PCDH7: variants seen among roughly 807,000 people sequenced by gnomAD.
PCDH7 encodes protocadherin 7.
Under a neutral mutation model 58.9 loss-of-function variants are expected in PCDH7, and 17 were observed. The observed-to-expected ratio is 0.29, with a 90% confidence interval of 0.20 to 0.43. PCDH7 has a LOEUF of 0.43. PCDH7 is among the 20% of genes least tolerant of loss of function. PCDH7 has a pLI of 1.00. For synonymous variants in PCDH7, 664 were observed against 616.4 expected (o/e 1.08, Z -1.14); for missense variants, 1,274 against 1,441.0 (o/e 0.88, Z 1.88).
At chr4:31,106,869 A>T (rs1300320783) in intron 3 of PCDH7, among the ~76,000 whole-genome samples, 2 of 152,208 alleles carry the variant, frequency 1.3e-5, no homozygotes, top group Non-Finnish European at 2.9e-5. Flanking sequence ...TATCTTTGAC[A>T]TTAGTCTGTA....
Position 30,920,452 on chromosome 4 carries a change from A to G in PCDH7, c.287+83A>G, listed in dbSNP as rs934562672. On this transcript the variant is annotated intron_variant, in intron 2 of 3. Coordinates refer to the PCDH7 transcript ENST00000509759. ...ACTCGCGAAGGTCAGTCTAAAACCA[A>G]AATAAAATAGCTGACATTAAAACCA... The G allele has an allele frequency of 4.3e-6, 4 of 921,804 alleles. No homozygotes were observed. The Admixed American group carries it at 8.4e-5, about 19-fold the overall frequency. 57.1% of individuals were successfully genotyped at this position (921,804 alleles called of 1,614,324 possible).
chr4:31,040,654 A>T (rs1755786853), intron 3 of PCDH7, among the ~76,000 whole-genome samples: 1 of 152,208 alleles, frequency 6.6e-6, no homozygotes, highest in Admixed American at 6.5e-5. Context: ...AAATTTACTC[A>T]TTCAGCAGTT....
intron 1 of PCDH7, among the ~76,000 whole-genome samples, chr4:30,825,757 G>A (rs925001182): frequency 4.1e-5 from 6 of 146,256 alleles, no homozygotes; most frequent in Admixed American, 3.5e-4. Flanking sequence ...CATATCAAAA[G>A]GTATTAATGT....
At position 31,079,991 on chromosome 4, in the gene PCDH7, G is replaced by A. The variant is rs115127716; in HGVS notation, c.*8-62482G>A. Among the ~76,000 whole-genome samples the A allele has an allele frequency of 7.9e-3, 1,209 of 152,178 alleles. 9 individuals carry two copies. The highest frequency in any genetic ancestry group is 0.02 in the Middle Eastern group (6 of 294). ...GAGTAAACACTCAGTAAGAAGTGCC[G>A]CAACCTCTCTTCTACTTACATAATT... On this transcript the variant is annotated intron_variant, in intron 3 of 3. Coordinates refer to the PCDH7 transcript ENST00000509759.
At chr4:31,034,141 C>T (rs1344596201) in intron 3 of PCDH7, among the ~76,000 whole-genome samples, 1 of 151,832 alleles carries the variant, frequency 6.6e-6, no homozygotes, top group Non-Finnish European at 1.5e-5. Flanking sequence ...TTATCCCATC[C>T]AGCAAAAACT....
intron 3 of PCDH7, among the ~76,000 whole-genome samples, chr4:30,954,867 C>G (rs984114862): frequency 2.0e-5 from 3 of 152,110 alleles, no homozygotes; most frequent in Non-Finnish European, 2.9e-5. Context: ...ATGGTTTCCT[C>G]AGCTGCAAAA....
chr4:30,772,970 C>T (rs1028681885), intron 1 of PCDH7, among the ~76,000 whole-genome samples: 21 of 152,128 alleles, frequency 1.4e-4, no homozygotes, highest in Non-Finnish European at 1.2e-4. Flanking sequence ...AGCACAATCT[C>T]GGCTCACTGC....
chr4:31,082,894 G>C (rs1560631234), intron 3 of PCDH7, among the ~76,000 whole-genome samples: 1 of 152,146 alleles, frequency 6.6e-6, no homozygotes, highest in Non-Finnish European at 1.5e-5. Context: ...GGATCACGAG[G>C]TCAGGAGATC....
chr4:30,978,057 G>C (rs759358653), intron 3 of PCDH7, among the ~76,000 whole-genome samples: 1 of 152,030 alleles, frequency 6.6e-6, no homozygotes, highest in Non-Finnish European at 1.5e-5. Context: ...TCACTCAAAA[G>C]TTCATTTAAA....
intron 3 of PCDH7, among the ~76,000 whole-genome samples, chr4:31,025,695 C>T (rs1237738550): frequency 6.6e-6 from 1 of 152,188 alleles, no homozygotes; most frequent in Admixed American, 6.5e-5. Flanking sequence ...TTAAGTGCTT[C>T]TTGTTCTTTC....
intron 1 of PCDH7, among the ~76,000 whole-genome samples, chr4:30,905,579 T>C (rs1437708521): frequency 6.6e-6 from 1 of 152,194 alleles, no homozygotes; most frequent in Non-Finnish European, 1.5e-5. Flanking sequence ...CTTTGCAGCA[T>C]GTAGATTTTT....
intron 1 of PCDH7, among the ~76,000 whole-genome samples, chr4:30,850,355 A>G (rs949223296): frequency 6.6e-6 from 1 of 151,966 alleles, no homozygotes; most frequent in Non-Finnish European, 1.5e-5. Context: ...TCTACCTTCA[A>G]TTTTAATAAC....
chr4:30,813,465 A>G (rs1016803386), intron 1 of PCDH7, among the ~76,000 whole-genome samples: 2 of 152,182 alleles, frequency 1.3e-5, no homozygotes, highest in East Asian at 3.9e-4. Context: ...GTAGGACTGT[A>G]TAAGGCACAA....
At chr4:31,049,366 G>A (rs972717231) in intron 3 of PCDH7, among the ~76,000 whole-genome samples, 1 of 152,116 alleles carries the variant, frequency 6.6e-6, no homozygotes, top group Non-Finnish European at 1.5e-5. Flanking sequence ...TTATTAGGGT[G>A]TGATTTACAA....
intron 1 of PCDH7, among the ~76,000 whole-genome samples, chr4:30,809,118 A>G (rs1726642497): frequency 6.6e-6 from 1 of 152,254 alleles, no homozygotes; most frequent in South Asian, 2.1e-4. Context: ...TATTAAGTCT[A>G]CAACCTTTTA....
intron 1 of PCDH7, among the ~76,000 whole-genome samples, chr4:30,844,305 T>C (rs1161163491): frequency 6.6e-6 from 1 of 152,202 alleles, no homozygotes; most frequent in Non-Finnish European, 1.5e-5. Flanking sequence ...CATCTTATCA[T>C]TGCAAAATTG....
intron 2 of PCDH7, among the ~76,000 whole-genome samples, chr4:30,945,438 G>A (rs1746552056): frequency 6.6e-6 from 1 of 151,826 alleles, no homozygotes; most frequent in Non-Finnish European, 1.5e-5. Flanking sequence ...ATTAAGCTAT[G>A]CAACTTATTC....
In PCDH7 at chr4:30,997,525, G is replaced by A. The variant is rs900908779; in HGVS notation, c.*7+47310G>A. 2.6e-5 allele frequency among the ~76,000 whole-genome samples: 4 copies of A among 152,146 alleles called. No homozygotes were observed. In the Middle Eastern group the frequency reaches 0.014, roughly 518 times the overall value. On this transcript the variant is annotated intron_variant, in intron 3 of 3. Transcript: ENST00000509759. Reference sequence around the variant, plus strand: ...GTAAAATCGTTAAAACTGAGGATGAGGACAGACCATATCATGAGGTGTTGA... The same window carrying A: ...GTAAAATCGTTAAAACTGAGGATGAAGACAGACCATATCATGAGGTGTTGA...
At chr4:30,869,627 G>A (rs984578037) in intron 1 of PCDH7, among the ~76,000 whole-genome samples, 1 of 152,124 alleles carries the variant, frequency 6.6e-6, no homozygotes, top group Non-Finnish European at 1.5e-5. Flanking sequence ...CCTTTTTTAT[G>A]GCTGCATAGT....
Sources: allele counts gnomAD v4.1 joint callset (sites outside exome capture counted in the v4.1 genomes callset), GRCh38; gene constraint gnomAD v4.1.1; transcripts MANE v1.5; gene names NCBI Gene and HGNC (gene_info 2026-07-23, HGNC 2026-07-21).